The following DIAPH2 variants were observed in gnomAD, a reference collection of about 807,000 sequenced individuals.
DIAPH2 encodes diaphanous related formin 2.
A neutral mutation model predicts 92.7 loss-of-function variants in DIAPH2; 35 were observed. That is an observed-to-expected ratio of 0.38 (90% CI 0.29 to 0.50). DIAPH2 has a LOEUF of 0.50. Ranked by LOEUF, DIAPH2 falls within the 20% of genes least tolerant of loss-of-function variation. DIAPH2 has a pLI of 0.94. For missense variants in DIAPH2, 701 were observed against 819.5 expected (o/e 0.86, Z 1.77); for synonymous variants, 301 against 280.4 (o/e 1.07, Z -0.73).
chrX:97,228,909 G>C (rs1477999486), intron 22 of DIAPH2, among the ~76,000 whole-genome samples: 1 of 111,858 alleles, frequency 8.9e-6, no homozygotes, highest in Non-Finnish European at 1.9e-5. Flanking sequence ...TTAAATCATA[G>C]CTTATAACCC....
In DIAPH2 at chrX:96,713,129, G is replaced by A. The variant is rs747547560; in HGVS notation, c.133-22629G>A. On this transcript the variant is annotated intron_variant, in intron 1 of 26. Transcript: ENST00000324765. ...TTTCCAAACTCATGCATGTAAAAGAGATGATAAAGGGGACCTGGATTAACT... is the reference window on the plus strand; with the variant it reads ...TTTCCAAACTCATGCATGTAAAAGAAATGATAAAGGGGACCTGGATTAACT... 2.7e-5 allele frequency among the ~76,000 whole-genome samples: 3 copies of A among 111,476 alleles called. No homozygotes were observed. The East Asian group carries it at 8.5e-4, about 32-fold the overall frequency.
chrX:97,443,122 A>G (rs1382066489), intron 26 of DIAPH2, among the ~76,000 whole-genome samples: 1 of 111,192 alleles, frequency 9.0e-6, no homozygotes, highest in East Asian at 2.8e-4. Context: ...GCTGGTCTCG[A>G]ACTCCTGGGC....
chrX:96,877,232 T>C (rs1280287217), intron 4 of DIAPH2, among the ~76,000 whole-genome samples: 1 of 111,752 alleles, frequency 8.9e-6, no homozygotes, highest in Non-Finnish European at 1.9e-5. Context: ...ATTTCTTATG[T>C]TTGAAAGTTA....
At chrX:97,349,035 TG>T (rs895804856) in intron 24 of DIAPH2, among the ~76,000 whole-genome samples, 8 of 107,155 alleles carry the variant, frequency 7.5e-5, no homozygotes, top group African/African-American at 2.7e-4. Context: ...TATATATGTG[TG>T]TATATATATG....
At chrX:97,175,388 TAA>T (rs959991935) in intron 22 of DIAPH2, among the ~76,000 whole-genome samples, 1 of 111,837 alleles carries the variant, frequency 8.9e-6, no homozygotes, top group African/African-American at 3.2e-5. Flanking sequence ...TAGGAAAATA[TAA>T]AGTGTTATTT....
At chrX:96,728,420 A>G (rs1471171465) in intron 1 of DIAPH2, among the ~76,000 whole-genome samples, 4 of 111,253 alleles carry the variant, frequency 3.6e-5, no homozygotes, top group African/African-American at 1.3e-4. Context: ...CATGTTGGTC[A>G]GGCTGGTCTC....
intron 22 of DIAPH2, among the ~76,000 whole-genome samples, chrX:97,174,063 TAATTA>T (rs1385674849): frequency 1.2e-5 from 1 of 82,225 alleles, no homozygotes; most frequent in African/African-American, 3.4e-5. Flanking sequence ...AAATATATAA[TAATTA>T]TATTATATAA....
chrX:97,301,972 T>G (rs2068709707), intron 23 of DIAPH2, among the ~76,000 whole-genome samples: 1 of 110,695 alleles, frequency 9.0e-6, no homozygotes, highest in South Asian at 3.8e-4. Context: ...CCCAGCACTT[T>G]GGGAGGCCGA....
At chrX:96,752,842 G>A (rs1416338440) in intron 3 of DIAPH2, among the ~76,000 whole-genome samples, 1 of 111,897 alleles carries the variant, frequency 8.9e-6, no homozygotes, top group African/African-American at 3.2e-5. Flanking sequence ...AGGTGATAAC[G>A]CTAATAGCTA....
chrX:97,213,601 T>A (rs1270263966), intron 22 of DIAPH2, among the ~76,000 whole-genome samples: 3 of 112,134 alleles, frequency 2.7e-5, no homozygotes, highest in Non-Finnish European at 5.6e-5. Context: ...TTGCATCTCT[T>A]AGCAATGTTT....
At chrX:97,514,824 G>A (rs1312332114) in intron 26 of DIAPH2, among the ~76,000 whole-genome samples, 1 of 111,113 alleles carries the variant, frequency 9.0e-6, no homozygotes, top group African/African-American at 3.3e-5. Context: ...GGCTGCTCGG[G>A]GGTCAGAGGT....
intron 26 of DIAPH2, among the ~76,000 whole-genome samples, chrX:97,487,778 A>AT (rs58507297): frequency 0.44 from 46,521 of 105,617 alleles, 8,483 homozygotes; most frequent in Non-Finnish European, 0.56. Context: ...TGCCTTTTAC[A>AT]TTTTTTTTTT....
At chrX:97,411,731 A>G (rs1340123670) in intron 25 of DIAPH2, among the ~76,000 whole-genome samples, 2 of 111,766 alleles carry the variant, frequency 1.8e-5, no homozygotes, top group Non-Finnish European at 3.8e-5. Flanking sequence ...ATGGAAAGCA[A>G]CGAAAAGCAG....
intron 22 of DIAPH2, among the ~76,000 whole-genome samples, chrX:97,173,137 A>C (rs2067466227): frequency 8.9e-6 from 1 of 112,683 alleles, no homozygotes; most frequent in South Asian, 3.6e-4. Context: ...ACAGGGGCTT[A>C]TGCCTATAAT....
At chrX:97,526,899 A>G (rs1195556784) in intron 26 of DIAPH2, among the ~76,000 whole-genome samples, 1 of 111,162 alleles carries the variant, frequency 9.0e-6, no homozygotes, top group Non-Finnish European at 1.9e-5. Flanking sequence ...CTACCCAACT[A>G]TGACTCTGCT....
rs185512338 is a variant in DIAPH2 at position 96,981,045 on chromosome X, C to T, written c.2050+15838C>T. Among the ~76,000 whole-genome samples, 477 of 104,862 alleles carry T rather than the reference C, an allele frequency of 4.5e-3. 3 individuals are homozygous for T. Among genetic ancestry groups the T allele is most frequent in the African/African-American group, 0.016 (447 of 28,210 alleles). 91.1% of individuals were successfully genotyped at this position (104,862 alleles called of 115,157 possible). A position where few individuals can be genotyped will look rare whatever the true frequency, so the allele number is the denominator to read the frequency against. ...AAAATTGGCCAGGCATGGTGGCATG[C>T]ACCTGTGGTCCCAACTACTTGGTAG... On this transcript the variant is annotated intron_variant, in intron 17 of 26. Coordinates refer to ENST00000324765, the MANE Select transcript of DIAPH2 (RefSeq NM_006729.5).
At chrX:97,573,648 G>T (rs1016204722) in intron 26 of DIAPH2, among the ~76,000 whole-genome samples, 24 of 105,217 alleles carry the variant, frequency 2.3e-4, no homozygotes, top group Non-Finnish European at 3.7e-4. Context: ...TTTTTTTGGG[G>T]TTTTTTTGTT....
At chrX:97,121,347 A>G (rs1297582826) in intron 21 of DIAPH2, among the ~76,000 whole-genome samples, 1 of 111,723 alleles carries the variant, frequency 9.0e-6, no homozygotes, top group Admixed American at 9.5e-5. Flanking sequence ...GGGTTACCAT[A>G]TGGCCACCTT....
intron 4 of DIAPH2, among the ~76,000 whole-genome samples, chrX:96,852,485 C>T (rs894622239): frequency 8.9e-6 from 1 of 111,925 alleles, no homozygotes; most frequent in Non-Finnish European, 1.9e-5. Flanking sequence ...ATATTTATTT[C>T]TACCCAACTC....
Sources: allele counts gnomAD v4.1 joint callset (sites outside exome capture counted in the v4.1 genomes callset), GRCh38; gene constraint gnomAD v4.1.1; transcripts MANE v1.5; gene names NCBI Gene and HGNC (gene_info 2026-07-23, HGNC 2026-07-21).